The following KLF12 variants were observed in gnomAD, a reference collection of about 807,000 sequenced individuals.
The protein encoded by KLF12 is KLF transcription factor 12.
Under a neutral mutation model 37.8 loss-of-function variants are expected in KLF12, and 9 were observed. The ratio of observed to expected loss-of-function variants is 0.24; its 90% CI spans 0.14 to 0.42. KLF12 has a LOEUF of 0.42. Among genes scored for constraint, KLF12 ranks in the 10% least tolerant of loss-of-function variants. KLF12 has a pLI of 1.00. For synonymous variants in KLF12, 208 were observed against 202.1 expected, an observed-to-expected ratio of 1.03 and a Z score of -0.25; for missense variants, 411 against 516.0, an observed-to-expected ratio of 0.80 and a Z score of 1.97.
rs71115612 is a variant in KLF12, at chr13:73,738,311, ATT to A, written c.870-22788_870-22787del. Among the ~76,000 whole-genome samples, 211 of 141,916 alleles carry A rather than the reference ATT, an allele frequency of 1.5e-3. 1 individual carries two copies. The highest frequency in any genetic ancestry group is 1.7e-3 in the Admixed American group (24 of 14,154). 93.1% of individuals were successfully genotyped at this position (141,916 alleles called of 152,430 possible). The stretch of plus-strand genomic sequence containing the variant: ...AGGTGCCCACCACCACGCCTGGCTA[ATT>A]TTTTTTTTTTTTGTATTTTTAGTAG... On this transcript the variant is annotated intron_variant, in intron 6 of 7. Coordinates refer to ENST00000377669, the MANE Select transcript of KLF12 (RefSeq NM_007249.5).
At chr13:73,722,866 T>G (rs1272758177) in intron 6 of KLF12, among the ~76,000 whole-genome samples, 5 of 152,336 alleles carry the variant, frequency 3.3e-5, no homozygotes, top group Admixed American at 6.5e-5. Context: ...CTAAACTAAT[T>G]AAAAGATAAT....
the KLF12 span, among the ~76,000 whole-genome samples, chr13:74,278,142 C>A: frequency 6.6e-6 from 1 of 152,154 alleles, no homozygotes; most frequent in East Asian, 1.9e-4. Context: ...CCTCTGGCTT[C>A]CCAACTTTCC....
rs148072054 is a variant in KLF12 at position 73,948,681 on chromosome 13, C to T, written c.34-4611G>A. Reference sequence around the variant, plus strand: ...AGAATTCAACTTCTCTCACTTCTACCCTAACAACCACAAACACCAATAACA... The same window carrying T: ...AGAATTCAACTTCTCTCACTTCTACTCTAACAACCACAAACACCAATAACA... On this transcript the variant is annotated intron_variant, in intron 2 of 7. Coordinates refer to ENST00000377669, the MANE Select transcript of KLF12 (RefSeq NM_007249.5). 1.1e-3 allele frequency among the ~76,000 whole-genome samples: 165 copies of T among 152,272 alleles called. 2 individuals are homozygous for T. The highest frequency in any genetic ancestry group is 3.8e-3 in the African/African-American group (159 of 41,552).
intron 6 of KLF12, 59 bp from the exon 7 acceptor site, chr13:73,715,584 G>C: frequency 6.5e-7 from 1 of 1,543,100 alleles, no homozygotes; most frequent in Non-Finnish European, 8.9e-7. Flanking sequence ...TTTTGGTTCT[G>C]GTGGCATGGG....
At chr13:74,006,724 T>A (rs1405371039) in intron 1 of KLF12, among the ~76,000 whole-genome samples, 1 of 152,172 alleles carries the variant, frequency 6.6e-6, no homozygotes, top group Admixed American at 6.5e-5. Flanking sequence ...AACCTTATCT[T>A]TGAGTCAATG....
At chr13:74,287,671 G>C in the KLF12 span, among the ~76,000 whole-genome samples, 1 of 152,102 alleles carries the variant, frequency 6.6e-6, no homozygotes, top group Non-Finnish European at 1.5e-5. Context: ...GAGAAGCAAG[G>C]CAATTACACC....
At chr13:74,166,706 A>G in the KLF12 span, among the ~76,000 whole-genome samples, 1 of 152,100 alleles carries the variant, frequency 6.6e-6, no homozygotes, top group Non-Finnish European at 1.5e-5. Flanking sequence ...TTCTTTGTCT[A>G]CTAGACTATG....
At chr13:74,174,166 C>CA in the KLF12 span, among the ~76,000 whole-genome samples, 2 of 152,062 alleles carry the variant, frequency 1.3e-5, no homozygotes, top group Admixed American at 1.3e-4. Flanking sequence ...ACCCATAATC[C>CA]AATCTTTGCC....
chr13:73,880,399 T>A lies in KLF12; in HGVS notation c.124-34026A>T, dbSNP rs1886919315. 1.3e-5 allele frequency among the ~76,000 whole-genome samples: 2 copies of A among 152,134 alleles called. 1 individual carries two copies. The highest frequency in any genetic ancestry group is 4.1e-4 in the South Asian group (2 of 4,830). On this transcript the variant is annotated intron_variant, in intron 3 of 7. Coordinates refer to ENST00000377669, the MANE Select transcript of KLF12 (RefSeq NM_007249.5). ...TTAGTTTATTGCCTCATAGGACACA[T>A]CAGCATGGTAAAGTGATCACAGGCC...
chr13:74,015,420 G>A (rs967541030), intron 1 of KLF12, among the ~76,000 whole-genome samples: 2 of 152,152 alleles, frequency 1.3e-5, no homozygotes, highest in South Asian at 2.1e-4. Context: ...GAAATAATGC[G>A]AGTGCTTATC....
At chr13:73,945,648 C>CAA (rs11404614) in intron 2 of KLF12, among the ~76,000 whole-genome samples, 11 of 150,236 alleles carry the variant, frequency 7.3e-5, no homozygotes, top group Middle Eastern at 3.4e-3. Context: ...AAGGAATCAA[C>CAA]AAAAAAAAAG....
the KLF12 span, among the ~76,000 whole-genome samples, chr13:74,197,144 A>G: frequency 6.6e-6 from 1 of 152,168 alleles, no homozygotes; most frequent in South Asian, 2.1e-4. Context: ...CCAGTACATA[A>G]TATTTATTGA....
chr13:74,030,685 G>A (rs534606361), intron 1 of KLF12, among the ~76,000 whole-genome samples: 2 of 152,188 alleles, frequency 1.3e-5, no homozygotes, highest in East Asian at 1.9e-4. Flanking sequence ...AATAAAGGAT[G>A]CATTTATATG....
At chr13:73,763,284 T>C (rs527398125) in intron 6 of KLF12, among the ~76,000 whole-genome samples, 2 of 152,348 alleles carry the variant, frequency 1.3e-5, no homozygotes, top group East Asian at 3.9e-4. Context: ...ATATCGTATA[T>C]GTGCCTGTGT....
intron 4 of KLF12, among the ~76,000 whole-genome samples, chr13:73,814,250 T>G (rs1251665385): frequency 1.3e-5 from 2 of 152,168 alleles, no homozygotes; most frequent in Non-Finnish European, 2.9e-5. Flanking sequence ...AAACCACCAC[T>G]GCTTGCGGGG....
the KLF12 span, among the ~76,000 whole-genome samples, chr13:74,151,573 A>G: frequency 6.6e-6 from 1 of 152,120 alleles, no homozygotes; most frequent in African/African-American, 2.4e-5. Context: ...GAATTGCTTG[A>G]GCCTGGGAGG....
intron 6 of KLF12, 148 bp from the exon 7 acceptor site, chr13:73,715,673 A>G: frequency 1.3e-6 from 1 of 745,286 alleles, no homozygotes; most frequent in South Asian, 2.1e-5. Flanking sequence ...TCTTGGGCAG[A>G]TCTCACTTTT....
In KLF12 at chr13:73,688,147, T is replaced by C. The variant is rs1261525494; in HGVS notation, c.*7343A>G. 1.3e-5 allele frequency: 2 copies of C among 152,638 alleles called. No individual in the cohort carries two copies. Among genetic ancestry groups the C allele is most frequent in the African/African-American group, 4.8e-5 (2 of 41,454 alleles). The allele number at this position is 152,638 out of a possible 1,614,324, so 9.5% of individuals were successfully genotyped here. ...AAACACTATGAGAAATGACATTCTC[T>C]TAATGTTTTCTAAGTCCATTAGTAC... On this transcript the variant is annotated 3_prime_UTR_variant, in exon 8 of 8. Transcript: ENST00000377669.
intron 3 of KLF12, among the ~76,000 whole-genome samples, chr13:73,867,853 T>C (rs1267582862): frequency 1.3e-5 from 2 of 151,444 alleles, no homozygotes; most frequent in South Asian, 2.1e-4. Context: ...CAACCCTGTC[T>C]CTACTAAAAA....
Sources: allele counts gnomAD v4.1 joint callset (sites outside exome capture counted in the v4.1 genomes callset), GRCh38; gene constraint gnomAD v4.1.1; transcripts MANE v1.5; gene names NCBI Gene and HGNC (gene_info 2026-07-23, HGNC 2026-07-21).